PTPN13: variants seen among roughly 807,000 people sequenced by gnomAD.
The protein encoded by PTPN13 is protein tyrosine phosphatase non-receptor type 13.
PTPN13 carries 191 observed loss-of-function variants against 284.0 expected under a neutral mutation model. That is an observed-to-expected ratio of 0.67 (90% confidence interval 0.60 to 0.76). The LOEUF is 0.76. Ranked by LOEUF, PTPN13 falls within the 30% of genes least tolerant of loss-of-function variation. PTPN13 has a pLI of 0.00. For synonymous variants in PTPN13, 986 were observed against 1,022.3 expected (o/e 0.96, Z 0.68); for missense variants, 2,797 against 2,939.9 (o/e 0.95, Z 1.12).
chr4:86,778,334 A>T (rs1740884108), intron 35 of PTPN13, among the ~76,000 whole-genome samples: 1 of 152,218 alleles, frequency 6.6e-6, no homozygotes, highest in Non-Finnish European at 1.5e-5. Context: ...AGAAGACATA[A>T]AACTCCTGAA....
intron 2 of PTPN13, among the ~76,000 whole-genome samples, chr4:86,666,649 C>CG (rs1248895725): frequency 6.6e-6 from 1 of 152,050 alleles, no homozygotes; most frequent in Non-Finnish European, 1.5e-5. Context: ...AAGAGACTCC[C>CG]GAATTGGAAT....
chr4:86,652,902 T>C (rs2148814130), intron 2 of PTPN13, among the ~76,000 whole-genome samples: 1 of 152,078 alleles, frequency 6.6e-6, no homozygotes, highest in Non-Finnish European at 1.5e-5. Flanking sequence ...GAGGTTATTT[T>C]CCAGATCTCG....
chr4:86,770,056 T>C (rs773242929), intron 29 of PTPN13, 45 bp from the exon 30 acceptor site: 2 of 1,612,014 alleles, frequency 1.2e-6, no homozygotes, highest in Non-Finnish European at 1.7e-6. Context: ...GGTTTCATAA[T>C]GCTGGTTTAA....
rs1218389001 is a variant in PTPN13 at position 86,722,389 on chromosome 4, A to G, written c.1563A>G (p.Leu521=). 6.2e-7 allele frequency: 1 copy of G among 1,613,842 alleles called. No individual in the cohort carries two copies. Among genetic ancestry groups the G allele is most frequent in the Middle Eastern group, 1.7e-4 (1 of 6,060 alleles). ...TGCTTGACATCACCAGGGATCCGTT[A>G]AGAGAAATTGCCCTAGAAACAGCCA... The part of the protein sequence containing the change: ...ASMLDITRDP[L]REIALETAMT... Residue 521 remains leucine, a synonymous_variant, in exon 10 of 48, where the codon TTA becomes TTG. Coordinates refer to ENST00000411767, the MANE Select transcript of PTPN13 (RefSeq NM_080683.3).
intron 2 of PTPN13, among the ~76,000 whole-genome samples, chr4:86,654,941 TATATTTAGG>T (rs1725567810): frequency 6.6e-6 from 1 of 152,216 alleles, no homozygotes; most frequent in African/African-American, 2.4e-5. Context: ...TGGGTGCATA[TATATTTAGG>T]ACAGTTAACT....
intron 20 of PTPN13, among the ~76,000 whole-genome samples, chr4:86,753,646 C>T (rs1038102190): frequency 4.6e-5 from 7 of 152,134 alleles, no homozygotes; most frequent in African/African-American, 1.2e-4. Flanking sequence ...GAAACAAAAT[C>T]GTAGGCAGAA....
intron 23 of PTPN13, among the ~76,000 whole-genome samples, chr4:86,759,461 C>G (rs1379763447): frequency 1.3e-5 from 2 of 152,186 alleles, no homozygotes; most frequent in African/African-American, 4.8e-5. Flanking sequence ...CTTTTATTAG[C>G]TATATGACTT....
intron 15 of PTPN13, among the ~76,000 whole-genome samples, chr4:86,736,489 T>C (rs906178640): frequency 6.6e-6 from 1 of 152,074 alleles, no homozygotes; most frequent in African/African-American, 2.4e-5. Flanking sequence ...CCTGTGAAAA[T>C]TTATGAAGGG....
chr4:86,761,170 A>AT (rs60263343), intron 23 of PTPN13, among the ~76,000 whole-genome samples: 1,786 of 144,164 alleles, frequency 0.012, 44 homozygotes, highest in African/African-American at 0.037. Context: ...ATATATATAT[A>AT]AACACAACAC....
chr4:86,633,649 GA>G (rs1722708271), intron 1 of PTPN13, among the ~76,000 whole-genome samples: 1 of 152,130 alleles, frequency 6.6e-6, no homozygotes, highest in South Asian at 2.1e-4. Flanking sequence ...TATTACTTTG[GA>G]AATTTGCTAC....
chr4:86,810,229 T>G (rs1231696228), intron 46 of PTPN13, among the ~76,000 whole-genome samples: 2 of 152,182 alleles, frequency 1.3e-5, no homozygotes, highest in Non-Finnish European at 2.9e-5. Flanking sequence ...GTTTTTTAAC[T>G]GTGTGCTCAG....
chr4:86,777,663 T>C (rs1442053554), intron 35 of PTPN13, among the ~76,000 whole-genome samples: 2 of 152,194 alleles, frequency 1.3e-5, no homozygotes, highest in Non-Finnish European at 2.9e-5. Context: ...AAGGAAAAAT[T>C]CACATTTTTG....
intron 5 of PTPN13, 39 bp from the exon 6 acceptor site, chr4:86,693,548 T>A: frequency 7.5e-7 from 1 of 1,326,340 alleles, no homozygotes; most frequent in South Asian, 1.5e-5. Context: ...AAAAGGGAGA[T>A]CCTTTTGTCA....
At chr4:86,695,274 T>G (rs1308945404) in intron 6 of PTPN13, among the ~76,000 whole-genome samples, 1 of 152,068 alleles carries the variant, frequency 6.6e-6, no homozygotes, top group Non-Finnish European at 1.5e-5. Context: ...GCCAAAAAAA[T>G]AACAGTGTGG....
At chr4:86,614,215 CTG>C (rs1314887720) in intron 1 of PTPN13, among the ~76,000 whole-genome samples, 1 of 152,088 alleles carries the variant, frequency 6.6e-6, no homozygotes, top group Admixed American at 6.5e-5. Flanking sequence ...TGTCAGTAAA[CTG>C]AACAGAAAAA....
chr4:86,640,021 AACT>A lies in PTPN13; in HGVS notation c.115+4654_115+4656del, dbSNP rs533035353. On this transcript the variant is annotated intron_variant, in intron 2 of 47. Coordinates refer to ENST00000411767, the MANE Select transcript of PTPN13 (RefSeq NM_080683.3). ...GAACCTTCTGGAAAGATGTAGGGAT[AACT>A]ACTGATTGAGTACAGGAAGGTCTAG... Among the ~76,000 whole-genome samples the A allele has an allele frequency of 1.8e-3, 273 of 152,296 alleles. 1 individual carries two copies. The Middle Eastern group carries it at 0.024, about 13-fold the overall frequency.
chr4:86,728,783 G>T (rs1455740740), intron 10 of PTPN13, among the ~76,000 whole-genome samples: 1 of 144,150 alleles, frequency 6.9e-6, no homozygotes, highest in African/African-American at 2.5e-5. Flanking sequence ...GATGAGTCTT[G>T]ACTCTTTATC....
rs373487123 is a variant in PTPN13 at position 86,751,007 on chromosome 4, C to T, written c.3069-20C>T. 1.4e-4 allele frequency: 214 copies of T among 1,581,698 alleles called. 1 individual carries two copies. The highest frequency in any genetic ancestry group is 1.6e-4 in the Non-Finnish European group (184 of 1,155,052). On this transcript the variant is annotated intron_variant, in intron 18 of 47. Coordinates refer to ENST00000411767, the MANE Select transcript of PTPN13 (RefSeq NM_080683.3). ...TTTTTACATTAACACTTCCCTCCTA[C>T]CTTCCTTTTCCCTCTTCAGTTCAAA...
At chr4:86,657,828 A>C (rs1726031559) in intron 2 of PTPN13, among the ~76,000 whole-genome samples, 1 of 152,162 alleles carries the variant, frequency 6.6e-6, no homozygotes, top group African/African-American at 2.4e-5. Flanking sequence ...GCTGGTGCCC[A>C]AGTTGCAAGA....
Sources: gnomAD v4.1 joint callset for allele counts (sites outside exome capture counted in the v4.1 genomes callset) on GRCh38, gnomAD v4.1.1 for gene constraint, MANE v1.5 for transcripts, NCBI Gene and HGNC (gene_info 2026-07-23, HGNC 2026-07-21) for gene names.